RAPGEF5: variants seen among roughly 807,000 people sequenced by gnomAD.
RAPGEF5 encodes the protein Rap guanine nucleotide exchange factor 5, also known as M-Ras-regulated GEF.
In RAPGEF5, 65 loss-of-function variants were observed where a neutral mutation model predicts 125.2. The observed-to-expected ratio is 0.52, with a 90% CI of 0.43 to 0.64. The LOEUF is 0.64. Ranked by LOEUF, RAPGEF5 falls within the 30% of genes least tolerant of loss-of-function variation. The pLI, the probability that RAPGEF5 is intolerant of heterozygous loss-of-function variation, is 0.00. For synonymous variants in RAPGEF5, 391 were observed against 385.9 expected, an observed-to-expected ratio of 1.01 and a Z score of -0.16; for missense variants, 958 against 1,048.1, an observed-to-expected ratio of 0.91 and a Z score of 1.19.
At chr7:22,221,874 A>T (rs1785799022) in intron 8 of RAPGEF5, among the ~76,000 whole-genome samples, 1 of 152,186 alleles carries the variant, frequency 6.6e-6, no homozygotes, top group South Asian at 2.1e-4. Flanking sequence ...TTATTCATTC[A>T]TTCACTCAAC....
At chr7:22,177,065 A>G (rs935082909) in intron 11 of RAPGEF5, among the ~76,000 whole-genome samples, 8 of 152,148 alleles carry the variant, frequency 5.3e-5, no homozygotes, top group African/African-American at 1.7e-4. Flanking sequence ...AGGAAGACTC[A>G]TGTTTTTGGG....
At chr7:22,348,720 C>T (rs1483406538) in intron 1 of RAPGEF5, among the ~76,000 whole-genome samples, 1 of 152,092 alleles carries the variant, frequency 6.6e-6, no homozygotes, top group Non-Finnish European at 1.5e-5. Flanking sequence ...TTGGTGGTTA[C>T]CAGAGGCCAG....
intron 6 of RAPGEF5, among the ~76,000 whole-genome samples, chr7:22,288,322 C>A (rs968679716): frequency 6.6e-6 from 1 of 152,142 alleles, no homozygotes; most frequent in Admixed American, 6.6e-5. Flanking sequence ...AGACTCTTGT[C>A]TCCAGATGTT....
chr7:22,332,304 CCTT>C (rs1274026498), intron 1 of RAPGEF5, among the ~76,000 whole-genome samples: 1 of 152,196 alleles, frequency 6.6e-6, no homozygotes, highest in Non-Finnish European at 1.5e-5. Context: ...CCCTGTCAAA[CCTT>C]CTTCATTTCA....
intron 8 of RAPGEF5, among the ~76,000 whole-genome samples, chr7:22,220,872 C>T (rs1334841259): frequency 6.6e-6 from 1 of 152,150 alleles, no homozygotes; most frequent in East Asian, 1.9e-4. Flanking sequence ...AATCCGTTTT[C>T]CTCAACATAA....
At chr7:22,309,917 T>C in intron 4 of RAPGEF5, 52 bp downstream of exon 4, 1 of 1,503,906 alleles carries the variant, frequency 6.6e-7, no homozygotes, top group Non-Finnish European at 8.8e-7. Context: ...TGTATTTTCA[T>C]CTGATAGCTT....
intron 5 of RAPGEF5, 100 bp downstream of exon 5, chr7:22,308,239 T>G: frequency 1.7e-6 from 2 of 1,206,102 alleles, no homozygotes; most frequent in Middle Eastern, 2.0e-4. Context: ...AACTCCCTCT[T>G]AAGTGAGACA....
intron 8 of RAPGEF5, among the ~76,000 whole-genome samples, chr7:22,227,220 A>T (rs1214479451): frequency 1.4e-5 from 2 of 147,714 alleles, no homozygotes; most frequent in Admixed American, 1.4e-4. Flanking sequence ...TAGCAAAGTT[A>T]AAAAAAAAAA....
Position 22,139,902 on chromosome 7 carries a change from C to T in RAPGEF5, c.2277+123G>A, listed in dbSNP as rs1004908132. Reference sequence around the variant, plus strand: ...TTAAAGACCATTTGATCAAAAAGATCCCTACCACCTTGACATATGACTTTC... The same window carrying T: ...TTAAAGACCATTTGATCAAAAAGATTCCTACCACCTTGACATATGACTTTC... On this transcript the variant is annotated intron_variant, in intron 21 of 25. Coordinates refer to ENST00000665637, the MANE Select transcript of RAPGEF5 (RefSeq NM_012294.5). 7.4e-6 allele frequency: 6 copies of T among 811,502 alleles called. No individual in the cohort carries two copies. The African/African-American group carries it at 1.1e-4, about 14-fold the overall frequency. The allele number at this position is 811,502 out of a possible 1,614,324, so 50.3% of individuals were successfully genotyped here.
intron 21 of RAPGEF5, 49 bp from the exon 22 acceptor site, chr7:22,137,032 T>C: frequency 1.4e-6 from 2 of 1,394,314 alleles, no homozygotes; most frequent in African/African-American, 1.4e-5. Context: ...AAGTTGGTTA[T>C]TTTCAGAGGC....
intron 3 of RAPGEF5, chr7:22,314,521 A>G: frequency 1.4e-6 from 1 of 714,380 alleles, no homozygotes; most frequent in Non-Finnish European, 1.7e-6. Flanking sequence ...GTTTATCATA[A>G]AGCTAAGTTT....
intron 25 of RAPGEF5, among the ~76,000 whole-genome samples, chr7:22,124,389 T>C (rs897535919): frequency 1.3e-5 from 2 of 152,248 alleles, no homozygotes; most frequent in African/African-American, 2.4e-5. Context: ...GCTTGTATGC[T>C]TGATGAAGAA....
At chr7:22,275,731 T>C (rs1782540434) in intron 6 of RAPGEF5, among the ~76,000 whole-genome samples, 2 of 152,178 alleles carry the variant, frequency 1.3e-5, no homozygotes, top group Non-Finnish European at 2.9e-5. Context: ...GTTGTTCATG[T>C]CACCTGGGAG....
chr7:22,166,611 T>C (rs964785169), intron 12 of RAPGEF5, among the ~76,000 whole-genome samples: 7 of 152,196 alleles, frequency 4.6e-5, no homozygotes, highest in African/African-American at 1.7e-4. Context: ...CGACCTCCCA[T>C]GTGGGGGAAT....
intron 24 of RAPGEF5, among the ~76,000 whole-genome samples, chr7:22,126,878 C>T (rs1360623722): frequency 6.6e-6 from 1 of 152,238 alleles, no homozygotes; most frequent in African/African-American, 2.4e-5. Flanking sequence ...CCAAATTGGC[C>T]TCCCAGAATG....
chr7:22,139,889 T>G, intron 21 of RAPGEF5, 136 bp downstream of exon 21: 1 of 727,002 alleles, frequency 1.4e-6, no homozygotes, highest in Non-Finnish European at 2.3e-6. Context: ...AAAGACCATT[T>G]GATCAAAAAG....
At chr7:22,265,339 T>A (rs553493248) in intron 7 of RAPGEF5, among the ~76,000 whole-genome samples, 201 of 152,310 alleles carry the variant, frequency 1.3e-3, no homozygotes, top group African/African-American at 4.3e-3. Flanking sequence ...CTGCCACATA[T>A]GAGTGAAAAC....
chr7:22,330,107 GT>G (rs1490014785), intron 1 of RAPGEF5, among the ~76,000 whole-genome samples: 1 of 152,196 alleles, frequency 6.6e-6, no homozygotes, highest in African/African-American at 2.4e-5. Flanking sequence ...GAAAGACAAA[GT>G]TCACAGATAA....
chr7:22,140,426 T>G (rs1485430467), intron 20 of RAPGEF5, among the ~76,000 whole-genome samples: 1 of 152,220 alleles, frequency 6.6e-6, no homozygotes, highest in Non-Finnish European at 1.5e-5. Context: ...AAATTCATGT[T>G]TCTTTATATA....
Sources: gnomAD v4.1 joint callset for allele counts (sites outside exome capture counted in the v4.1 genomes callset) on GRCh38, gnomAD v4.1.1 for gene constraint, MANE v1.5 for transcripts, NCBI Gene and HGNC (gene_info 2026-07-23, HGNC 2026-07-21) for gene names.